Variants in CDH18 observed in about 807,000 individuals in gnomAD.
CDH18 encodes cadherin 18.
CDH18 carries 31 observed loss-of-function variants against 67.9 expected under a neutral mutation model. The observed-to-expected ratio is 0.46, with a 90% confidence interval of 0.34 to 0.62. CDH18 has a LOEUF of 0.62. CDH18 is among the 20% of genes least tolerant of loss of function. The pLI, the probability that CDH18 is intolerant of heterozygous loss-of-function variation, is 0.01. For synonymous variants in CDH18, 362 were observed against 347.2 expected (o/e 1.04, Z -0.48); for missense variants, 890 against 975.5 (o/e 0.91, Z 1.17).
chr5:19,746,118 C>A (rs542494222), intron 4 of CDH18, among the ~76,000 whole-genome samples: 87 of 152,018 alleles, frequency 5.7e-4, no homozygotes, highest in African/African-American at 2.1e-3. Flanking sequence ...CGTAGAAGAA[C>A]CATTTTTAAA....
intron 2 of CDH18, among the ~76,000 whole-genome samples, chr5:19,858,795 C>T (rs1784558558): frequency 6.6e-6 from 1 of 150,762 alleles, no homozygotes; most frequent in African/African-American, 2.5e-5. Context: ...AAGATTATTG[C>T]AATATCACAA....
chr5:20,364,211 G>A (rs1193245049), intron 1 of CDH18, among the ~76,000 whole-genome samples: 2 of 151,472 alleles, frequency 1.3e-5, no homozygotes, highest in African/African-American at 4.8e-5. Flanking sequence ...TGGTAGGGAA[G>A]AAAAAAATAA....
At chr5:19,848,901 T>C (rs1008912242) in intron 2 of CDH18, among the ~76,000 whole-genome samples, 1 of 149,824 alleles carries the variant, frequency 6.7e-6, no homozygotes, top group African/African-American at 2.4e-5. Flanking sequence ...ATATAATGTG[T>C]ATATATACAT....
chr5:20,225,317 T>G (rs1561891641), intron 2 of CDH18, among the ~76,000 whole-genome samples: 1 of 152,188 alleles, frequency 6.6e-6, no homozygotes, highest in Non-Finnish European at 1.5e-5. Flanking sequence ...GTCATTGTTT[T>G]TTATGCCTAT....
At chr5:19,858,593 A>G (rs1784541376) in intron 2 of CDH18, among the ~76,000 whole-genome samples, 1 of 152,320 alleles carries the variant, frequency 6.6e-6, no homozygotes, top group Admixed American at 6.5e-5. Flanking sequence ...GATTTATACA[A>G]TTAGTAAAGT....
intron 2 of CDH18, among the ~76,000 whole-genome samples, chr5:19,951,904 T>C (rs538029471): frequency 5.8e-4 from 88 of 152,254 alleles, no homozygotes; most frequent in African/African-American, 2.0e-3. Flanking sequence ...AAATACAAAA[T>C]TAGCAAGTCA....
At chr5:20,271,933 A>AGAGAG (rs1328459631) in intron 1 of CDH18, among the ~76,000 whole-genome samples, 2 of 151,700 alleles carry the variant, frequency 1.3e-5, no homozygotes, top group African/African-American at 4.8e-5. Flanking sequence ...GCAGAGAGAG[A>AGAGAG]GAGAGAGAGA....
chr5:20,241,917 T>C (rs2038569231), intron 2 of CDH18, among the ~76,000 whole-genome samples: 1 of 142,084 alleles, frequency 7.0e-6, no homozygotes, highest in African/African-American at 2.6e-5. Flanking sequence ...TATTGCTTAG[T>C]CAGAGGCACT....
intron 2 of CDH18, among the ~76,000 whole-genome samples, chr5:20,009,490 G>A (rs1737212523): frequency 6.6e-6 from 1 of 152,058 alleles, no homozygotes; most frequent in South Asian, 2.1e-4. Context: ...TTAACTATCA[G>A]AGTATAATCT....
chr5:20,321,255 A>G (rs1043152717), intron 1 of CDH18, among the ~76,000 whole-genome samples: 71 of 152,052 alleles, frequency 4.7e-4, no homozygotes, highest in African/African-American at 1.6e-3. Flanking sequence ...GCTGCTTGCT[A>G]AAACACAGTT....
In CDH18 at chr5:19,473,332, G is replaced by C; in HGVS notation, c.2267C>G (p.Ala756Gly). 1 of 1,613,866 alleles carries C rather than the reference G, an allele frequency of 6.2e-7. No individual in the cohort carries two copies. Among genetic ancestry groups the C allele is most frequent in the South Asian group, 1.1e-5 (1 of 91,076 alleles). Residue 756 changes from alanine (A) to glycine (G), a missense_variant, in exon 13 of 13, where the codon GCA becomes GGA. Ala to Gly is a moderately conservative substitution (Grantham distance 60). Around this residue, in one of 2 missense-constraint regions of CDH18, gnomAD observed 656 missense variants for 668.1 expected, o/e 0.98. Transcript: ENST00000382275. ...EAGSISSLDS[A>G]TTQSDQDYHY... ...ATAATCCTGGTCTGATTGTGTCGTT[G>C]CTGAATCCAGCGAGCTGATAGACCC... is the stretch of plus-strand genomic sequence containing the variant.
intron 1 of CDH18, among the ~76,000 whole-genome samples, chr5:20,329,232 CAA>C (rs964971439): frequency 1.3e-5 from 2 of 152,062 alleles, no homozygotes. Context: ...ATGGGAGGAA[CAA>C]AGAGAATGAA....
chr5:20,361,722 A>G (rs1742102947), intron 1 of CDH18, among the ~76,000 whole-genome samples: 1 of 152,128 alleles, frequency 6.6e-6, no homozygotes, highest in Non-Finnish European at 1.5e-5. Context: ...CTGTATCTAT[A>G]TTATCAACTT....
chr5:19,699,942 T>G (rs1763019944), intron 5 of CDH18, among the ~76,000 whole-genome samples: 1 of 152,106 alleles, frequency 6.6e-6, no homozygotes, highest in Admixed American at 6.6e-5. Flanking sequence ...CGCTAGGAAA[T>G]ATACCTATGT....
chr5:19,541,762 C>A (rs1299546139), intron 9 of CDH18, among the ~76,000 whole-genome samples: 1 of 152,106 alleles, frequency 6.6e-6, no homozygotes, highest in African/African-American at 2.4e-5. Flanking sequence ...CCCATTGGGT[C>A]CCTCCGATGA....
intron 1 of CDH18, among the ~76,000 whole-genome samples, chr5:20,493,694 C>T (rs1256035375): frequency 6.6e-6 from 1 of 151,972 alleles, no homozygotes; most frequent in Non-Finnish European, 1.5e-5. Context: ...TTTTGTTGGT[C>T]CTGTGTGAAA....
intron 2 of CDH18, among the ~76,000 whole-genome samples, chr5:20,126,027 C>T (rs1220812782): frequency 6.6e-6 from 1 of 152,068 alleles, no homozygotes; most frequent in Non-Finnish European, 1.5e-5. Context: ...GAAAGATGAA[C>T]AAAACTGGAG....
intron 2 of CDH18, among the ~76,000 whole-genome samples, chr5:19,869,779 A>G (rs577194711): frequency 6.6e-6 from 1 of 152,244 alleles, no homozygotes; most frequent in African/African-American, 2.4e-5. Context: ...GCTAATGAGT[A>G]GTTCCGTTTC....
At chr5:20,241,861 A>AAAT in intron 2 of CDH18, among the ~76,000 whole-genome samples, 1 of 127,292 alleles carries the variant, frequency 7.9e-6, no homozygotes, top group Non-Finnish European at 1.6e-5. Context: ...CAAAAAAAAA[A>AAAT]AAAATAAAAT....
Sources: allele counts gnomAD v4.1 joint callset (sites outside exome capture counted in the v4.1 genomes callset), GRCh38; gene constraint gnomAD v4.1.1; regional missense constraint gnomAD v4.1.1; transcripts MANE v1.5; gene names NCBI Gene and HGNC (gene_info 2026-07-23, HGNC 2026-07-21).